Variants in TM9SF2 observed in about 807,000 individuals in gnomAD.
TM9SF2 encodes transmembrane 9 superfamily member 2.
TM9SF2 carries 13 observed loss-of-function variants against 84.9 expected under a neutral mutation model. That is an observed-to-expected ratio of 0.15 (90% CI 0.10 to 0.24). The LOEUF is 0.24. Among genes scored for constraint, TM9SF2 ranks in the 10% least tolerant of loss-of-function variants. The probability of loss-of-function intolerance (pLI) is 1.00; values close to 1 mark genes in which losing one functional copy is unlikely to be tolerated. For synonymous variants in TM9SF2, 273 were observed against 285.8 expected, an observed-to-expected ratio of 0.96 and a Z score of 0.45; for missense variants, 562 against 818.5, an observed-to-expected ratio of 0.69 and a Z score of 3.82.
At chr13:99,555,412 G>A (rs537049131) in intron 14 of TM9SF2, 124 bp from the exon 15 acceptor site, 5 of 682,890 alleles carry the variant, frequency 7.3e-6, no homozygotes, top group South Asian at 3.8e-5. Flanking sequence ...GTGATAATTC[G>A]TCTTGTTTGG....
At chr13:99,543,008 A>G (rs1254184045) in intron 9 of TM9SF2, among the ~76,000 whole-genome samples, 1 of 152,144 alleles carries the variant, frequency 6.6e-6, no homozygotes. Context: ...GCCCCACGTT[A>G]CCTCAGCACT....
At position 99,555,250 on chromosome 13, in the gene TM9SF2, T is replaced by G. The variant is rs575224759; in HGVS notation, c.1641-286T>G. ...GCTCTGCCTTTTCAGTCACTTTTTA[T>G]CAAATATCTCTGGCTCACCAGGAGA... On this transcript the variant is annotated intron_variant, in intron 14 of 16. Transcript: ENST00000376387. 1.6e-3 allele frequency among the ~76,000 whole-genome samples: 242 copies of G among 152,326 alleles called. 1 individual carries two copies. The highest frequency in any genetic ancestry group is 5.7e-3 in the African/African-American group (235 of 41,578).
chr13:99,507,377 T>C (rs1212710853), intron 1 of TM9SF2, among the ~76,000 whole-genome samples: 1 of 152,236 alleles, frequency 6.6e-6, no homozygotes, highest in Non-Finnish European at 1.5e-5. Context: ...TTTTATTTTA[T>C]TTTTTAGAAA....
At chr13:99,553,165 G>A (rs1462540530) in intron 13 of TM9SF2, among the ~76,000 whole-genome samples, 1 of 152,122 alleles carries the variant, frequency 6.6e-6, no homozygotes, top group Non-Finnish European at 1.5e-5. Flanking sequence ...TGTCTCATCA[G>A]TATCCTTCTC....
chr13:99,543,778 A>G (rs1038422104), intron 9 of TM9SF2, 85 bp from the exon 10 acceptor site: 15 of 1,494,704 alleles, frequency 1.0e-5, no homozygotes, highest in East Asian at 4.6e-5. Flanking sequence ...GTTTTCTGTA[A>G]CAGCATATTC....
At position 99,501,659 on chromosome 13, in the gene TM9SF2, T is replaced by C. The variant is rs1334441556; in HGVS notation, c.53T>C (p.Leu18Pro). The change falls in exon 1 of 17, where the codon CTG (leucine) becomes CCG (proline). Residue 18 changes from leucine to proline, a missense_variant. Around this residue, in one of 4 missense-constraint regions of TM9SF2, gnomAD observed 267 missense variants for 316.7 expected, o/e 0.84. Coordinates refer to ENST00000376387, the MANE Select transcript of TM9SF2 (RefSeq NM_004800.3). ...CCACCTCGGTGGCCGCGGCTGTTGC[T>C]GCTGTCGCTGCTCCTGCTGGGGGCG... ...LSPPRWPRLL[L>P]LSLLLLGAVP... The C allele has an allele frequency of 6.2e-7, 1 of 1,613,160 alleles. No individual in the cohort carries two copies. Among genetic ancestry groups the C allele is most frequent in the East Asian group, 2.2e-5 (1 of 44,840 alleles).
Position 99,546,996 on chromosome 13 carries a change from C to T in TM9SF2, c.1162C>T (p.Leu388=). The change falls in exon 11 of 17, where the codon CTG becomes TTG. Residue 388 remains leucine (L), a synonymous_variant. Transcript: ENST00000376387. ...GATTTGTGTTTTAGTTTTCGCTTGC[C>T]TGGGATTTTTGTCACCTGCCAACCG... ...MTFVTLFFAC[L]GFLSPANRGA... is the part of the protein sequence containing the mutation. 6.2e-7 allele frequency: 1 copy of T among 1,614,128 alleles called. No individual in the cohort carries two copies. The highest frequency in any genetic ancestry group is 8.5e-7 in the Non-Finnish European group (1 of 1,180,030).
chr13:99,520,239 C>T, intron 3 of TM9SF2, 110 bp downstream of exon 3: 1 of 855,688 alleles, frequency 1.2e-6, no homozygotes, highest in Non-Finnish European at 1.8e-6. Context: ...GTTCATTTCT[C>T]TTTTTCATCT....
At chr13:99,518,284 G>GT (rs1378998909) in intron 2 of TM9SF2, among the ~76,000 whole-genome samples, 7 of 152,108 alleles carry the variant, frequency 4.6e-5, no homozygotes, top group Non-Finnish European at 8.8e-5. Flanking sequence ...GCTAAGTTTT[G>GT]TATTTTTGGT....
At chr13:99,560,483 C>G (rs901636543) in intron 16 of TM9SF2, among the ~76,000 whole-genome samples, 4 of 152,064 alleles carry the variant, frequency 2.6e-5, no homozygotes, top group African/African-American at 4.8e-5. Flanking sequence ...AATAAATCAT[C>G]TATAAAACAG....
chr13:99,544,816 T>C (rs17610676), intron 10 of TM9SF2, among the ~76,000 whole-genome samples: 14,893 of 152,152 alleles, frequency 0.098, 874 homozygotes, highest in East Asian at 0.21. Flanking sequence ...AAGATTCTCT[T>C]CTTTGAGCTA....
At chr13:99,520,162 C>G in intron 3 of TM9SF2, 33 bp downstream of exon 3, 1 of 1,549,300 alleles carries the variant, frequency 6.5e-7, no homozygotes, top group Non-Finnish European at 8.8e-7. Flanking sequence ...TAATTATTTA[C>G]TTACAGCTTT....
intron 3 of TM9SF2, among the ~76,000 whole-genome samples, chr13:99,528,683 A>T (rs1275855110): frequency 6.6e-6 from 1 of 152,234 alleles, no homozygotes. Context: ...TAAAATATCA[A>T]CTAGTGGTAC....
At chr13:99,546,284 T>G (rs1555340823) in intron 10 of TM9SF2, among the ~76,000 whole-genome samples, 1 of 152,188 alleles carries the variant, frequency 6.6e-6, no homozygotes, top group Non-Finnish European at 1.5e-5. Context: ...CCTACTCACC[T>G]TGGGATTCTG....
chr13:99,507,570 G>A (rs2046093960), intron 1 of TM9SF2, among the ~76,000 whole-genome samples: 1 of 152,154 alleles, frequency 6.6e-6, no homozygotes, highest in African/African-American at 2.4e-5. Context: ...TTATCTAGGA[G>A]ATCAGTTGCT....
chr13:99,560,951 C>T (rs1193865410), intron 16 of TM9SF2, among the ~76,000 whole-genome samples: 2 of 152,020 alleles, frequency 1.3e-5, no homozygotes, highest in African/African-American at 2.4e-5. Context: ...CCGAAGTGCT[C>T]GGATTGGGCG....
chr13:99,524,984 GT>G (rs1474917113), intron 3 of TM9SF2, among the ~76,000 whole-genome samples: 1 of 151,994 alleles, frequency 6.6e-6, no homozygotes, highest in East Asian at 2.0e-4. Flanking sequence ...GCAAGAAAGT[GT>G]TTCTAGGAGG....
chr13:99,560,025 A>G (rs1284502110), intron 16 of TM9SF2, among the ~76,000 whole-genome samples: 1 of 152,048 alleles, frequency 6.6e-6, no homozygotes, highest in Non-Finnish European at 1.5e-5. Flanking sequence ...AACAGGATAT[A>G]GTGTGTATTT....
At chr13:99,550,294 C>G (rs2046300427) in intron 12 of TM9SF2, among the ~76,000 whole-genome samples, 1 of 152,166 alleles carries the variant, frequency 6.6e-6, no homozygotes, top group Non-Finnish European at 1.5e-5. Flanking sequence ...AAAATAGTCT[C>G]TACTCCTTTC....
Sources: allele counts gnomAD v4.1 joint callset (sites outside exome capture counted in the v4.1 genomes callset), GRCh38; gene constraint gnomAD v4.1.1; regional missense constraint gnomAD v4.1.1; transcripts MANE v1.5; gene names NCBI Gene and HGNC (gene_info 2026-07-23, HGNC 2026-07-21).